Variants in SKI observed in about 807,000 individuals in gnomAD.
SKI encodes the protein ski oncogene.
SKI carries 23 observed loss-of-function variants against 59.3 expected under a neutral mutation model. The ratio of observed to expected loss-of-function variants is 0.39; its 90% CI spans 0.28 to 0.55. The LOEUF is 0.55. SKI is among the 20% of genes least tolerant of loss of function. SKI has a pLI of 0.67. For missense variants in SKI, 1,017 were observed against 1,038.9 expected (o/e 0.98, Z 0.29); for synonymous variants, 673 against 488.6 (o/e 1.38, Z -4.98).
chr1:2,284,609 G>A (rs1368026402), intron 1 of SKI, among the ~76,000 whole-genome samples: 4 of 152,186 alleles, frequency 2.6e-5, no homozygotes, highest in African/African-American at 9.7e-5. Context: ...GCTCACACCG[G>A]CCCAGAGGGC....
intron 1 of SKI, among the ~76,000 whole-genome samples, chr1:2,246,912 G>C (rs1639012191): frequency 6.6e-6 from 1 of 152,202 alleles, no homozygotes; most frequent in South Asian, 2.1e-4. Flanking sequence ...TCTGCTTTCT[G>C]GGAGGCCTGT....
chr1:2,238,080 C>T (rs532922881), intron 1 of SKI, among the ~76,000 whole-genome samples: 205 of 152,340 alleles, frequency 1.3e-3, no homozygotes, highest in Non-Finnish European at 2.4e-3. Context: ...TGGCTGCCCA[C>T]GGTCCAGGCA....
At position 2,277,964 on chromosome 1, in the gene SKI, C is replaced by T. The variant is rs74411892; in HGVS notation, c.970-25014C>T. On this transcript the variant is annotated intron_variant, in intron 1 of 6. Transcript: ENST00000378536. ...GCACCAGCACCCGTGGACACGTGCA[C>T]GCACACATCAGCACCCATGGGCATA... 1.7e-3 allele frequency among the ~76,000 whole-genome samples: 252 copies of T among 152,150 alleles called. 3 individuals carry two copies. In the East Asian group the frequency reaches 0.036, roughly 22 times the overall value.
At position 2,228,360 on chromosome 1, in the gene SKI, G is replaced by A. The variant is rs1222462349; in HGVS notation, c.-407G>A. ...TCGGCCTCGGCCGCCGCGGCGATTC[G>A]CGCCTCGCGGCGCCGGCACCTGCCC... is the stretch of plus-strand genomic sequence containing the variant. On this transcript the variant is annotated 5_prime_UTR_variant, in exon 1 of 7. Transcript: ENST00000378536. 3.5e-5 allele frequency among the ~76,000 whole-genome samples: 5 copies of A among 142,558 alleles called. No homozygotes were observed. The highest frequency in any genetic ancestry group is 7.8e-5 in the Non-Finnish European group (5 of 64,406). The allele number at this position is 142,558 out of a possible 152,430, so 93.5% of individuals were successfully genotyped here.
chr1:2,289,984 C>G (rs1440920640), intron 1 of SKI, among the ~76,000 whole-genome samples: 3 of 152,164 alleles, frequency 2.0e-5, no homozygotes, highest in Non-Finnish European at 2.9e-5. Flanking sequence ...CTCCACAGCC[C>G]CCTCCTTGGA....
intron 1 of SKI, among the ~76,000 whole-genome samples, chr1:2,254,801 C>T (rs1298080658): frequency 6.6e-6 from 1 of 152,204 alleles, no homozygotes. Flanking sequence ...GCATTTGCAC[C>T]TGAGGCGTGC....
chr1:2,235,596 T>G (rs1418680051), intron 1 of SKI, among the ~76,000 whole-genome samples: 1 of 152,234 alleles, frequency 6.6e-6, no homozygotes, highest in African/African-American at 2.4e-5. Flanking sequence ...GCATGTTGGT[T>G]TCACTGTGTG....
intron 1 of SKI, among the ~76,000 whole-genome samples, chr1:2,300,127 C>A (rs142505883): frequency 6.6e-6 from 1 of 152,240 alleles, no homozygotes; most frequent in African/African-American, 2.4e-5. Flanking sequence ...CAAGCTCACA[C>A]GCGTTGCCCG....
intron 1 of SKI, among the ~76,000 whole-genome samples, chr1:2,275,555 C>T (rs889276598): frequency 9.9e-5 from 15 of 152,162 alleles, no homozygotes. Flanking sequence ...GCTCTGTCGC[C>T]CAGGCTGGAG....
chr1:2,257,917 T>C (rs1196734483), intron 1 of SKI, among the ~76,000 whole-genome samples: 1 of 152,012 alleles, frequency 6.6e-6, no homozygotes, highest in African/African-American at 2.4e-5. Context: ...TTTGTAGTTT[T>C]AGTAGAGATG....
intron 1 of SKI, among the ~76,000 whole-genome samples, chr1:2,301,622 T>A (rs1640427532): frequency 6.6e-6 from 1 of 152,238 alleles, no homozygotes; most frequent in Middle Eastern, 3.4e-3. Flanking sequence ...CGCCCCATCT[T>A]CCCCCTAGGG....
chr1:2,306,197 G>C lies in SKI; in HGVS notation c.1945G>C (p.Val649Leu), dbSNP rs1194917358. Residue 649 changes from valine to leucine, a missense_variant, in exon 6 of 7, where the codon GTG becomes CTG. Coordinates refer to ENST00000378536, the MANE Select transcript of SKI (RefSeq NM_003036.4). ...GCTGGAGCAGGCGCGGCAGGCCCGG[G>C]TGTGCGACAAGGGCTGCGAGGCGGG... Reference protein sequence around the residue: ...RELEQARQARVCDKGCEAGRL... With the variant: ...RELEQARQARLCDKGCEAGRL... 6 of 1,583,402 alleles carry C rather than the reference G, an allele frequency of 3.8e-6. No individual in the cohort carries two copies. Among genetic ancestry groups the C allele is most frequent in the Non-Finnish European group, 4.3e-6 (5 of 1,165,740 alleles).
rs1484153719 is a variant in SKI, at chr1:2,229,654, G to A, written c.888G>A (p.Glu296=). 6.2e-7 allele frequency: 1 copy of A among 1,611,766 alleles called. No individual in the cohort carries two copies. Among genetic ancestry groups the A allele is most frequent in the Non-Finnish European group, 8.5e-7 (1 of 1,179,522 alleles). The change falls in exon 1 of 7, where the codon GAG becomes GAA. Residue 296 remains glutamate (E), a synonymous_variant. Coordinates refer to ENST00000378536, the MANE Select transcript of SKI (RefSeq NM_003036.4). The surrounding 1 kb of genome is among the most constrained non-coding windows in gnomAD (Gnocchi z 6.3). ...GCCAGGATTACACGGGCAAGGAGGA[G>A]CAGGCGCGCCTCGGCCGCTGCCTGG... is the stretch of plus-strand genomic sequence containing the variant. The part of the protein sequence containing the change: ...LLSQDYTGKE[E]QARLGRCLDD...
At chr1:2,243,059 C>T (rs921001901) in intron 1 of SKI, among the ~76,000 whole-genome samples, 5 of 152,254 alleles carry the variant, frequency 3.3e-5, no homozygotes, top group Admixed American at 1.3e-4. Flanking sequence ...GAACGCGGTT[C>T]CCCACCTGCC....
Position 2,263,084 on chromosome 1 carries a change from A to G in SKI, c.969+33349A>G, listed in dbSNP as rs569699356. On this transcript the variant is annotated intron_variant, in intron 1 of 6. Coordinates refer to ENST00000378536, the MANE Select transcript of SKI (RefSeq NM_003036.4). ...CCAGCTAATTTTTTGTATTTTCAGT[A>G]GAGACAGGGTTTCACCATGTTGGTC... Among the ~76,000 whole-genome samples, 7 of 152,146 alleles carry G rather than the reference A, an allele frequency of 4.6e-5. No individual in the cohort carries two copies. The East Asian group carries it at 9.7e-4, about 21-fold the overall frequency.
chr1:2,278,197 T>C (rs1385007154), intron 1 of SKI, among the ~76,000 whole-genome samples: 4 of 152,198 alleles, frequency 2.6e-5, no homozygotes, highest in South Asian at 2.1e-4. Flanking sequence ...CCCACTGGTC[T>C]CTGTGCCCCA....
intron 1 of SKI, among the ~76,000 whole-genome samples, chr1:2,254,896 C>A (rs943968664): frequency 1.3e-5 from 2 of 152,204 alleles, no homozygotes. Context: ...CACAACAACA[C>A]TTCTTTCCTC....
chr1:2,298,397 C>T (rs1306266550), intron 1 of SKI, among the ~76,000 whole-genome samples: 2 of 152,132 alleles, frequency 1.3e-5, no homozygotes, highest in African/African-American at 2.4e-5. Context: ...TGCTGCTGTG[C>T]GCCTCTCCCT....
At position 2,228,454 on chromosome 1, in the gene SKI, C is replaced by G. The variant is rs1569655510; in HGVS notation, c.-313C>G. On this transcript the variant is annotated 5_prime_UTR_variant, in exon 1 of 7. Transcript: ENST00000378536. ...CGTTGGCGGCGCGCGCCGGGGCATG[C>G]CCCGCGCCTAGAGCCCGGGGGGCGC... Among the ~76,000 whole-genome samples the G allele has an allele frequency of 7.0e-6, 1 of 142,580 alleles. No homozygotes were observed. Among genetic ancestry groups the G allele is most frequent in the Non-Finnish European group, 1.6e-5 (1 of 64,378 alleles). The allele number at this position is 142,580 out of a possible 152,430, so 93.5% of individuals were successfully genotyped here.
Sources: gnomAD v4.1 joint callset for allele counts (sites outside exome capture counted in the v4.1 genomes callset) on GRCh38, gnomAD v4.1.1 for gene constraint, Gnocchi (gnomAD v3.1) non-coding constraint, MANE v1.5 for transcripts, NCBI Gene and HGNC (gene_info 2026-07-23, HGNC 2026-07-21) for gene names.